SLC38A5: variants seen among roughly 807,000 people sequenced by gnomAD.
SLC38A5 encodes the protein sodium-coupled neutral amino acid transporter 5.
In SLC38A5, 9 loss-of-function variants were observed where a neutral mutation model predicts 34.6. The observed-to-expected ratio is 0.26, with a 90% CI of 0.16 to 0.45. The LOEUF is 0.45. Among genes scored for constraint, SLC38A5 ranks in the 20% least tolerant of loss-of-function variants. The probability of loss-of-function intolerance (pLI) is 1.00; values close to 1 mark genes in which losing one functional copy is unlikely to be tolerated. For missense variants in SLC38A5, 253 were observed against 394.7 expected, an observed-to-expected ratio of 0.64 and a Z score of 3.04; for synonymous variants, 157 against 155.6, an observed-to-expected ratio of 1.01 and a Z score of -0.07.
intron 14 of SLC38A5, among the ~76,000 whole-genome samples, chrX:48,460,428 C>T (rs2061426240): frequency 8.9e-6 from 1 of 111,943 alleles, no homozygotes; most frequent in Admixed American, 9.5e-5. Context: ...ACTGACTACC[C>T]TGTCCCCTGA....
chrX:48,466,167 G>A (rs1362389880), intron 7 of SLC38A5, 63 bp downstream of exon 7: 4 of 1,153,379 alleles, frequency 3.5e-6, no homozygotes, highest in African/African-American at 1.8e-5. Context: ...AGCCCAGCCT[G>A]GGGAAGCCCA....
At position 48,466,238 on chromosome X, in the gene SLC38A5, T is replaced by C. The variant is rs1556963233; in HGVS notation, c.404A>G (p.Asn135Ser). The change falls in exon 7 of 17, where the codon AAT becomes AGT. Residue 135 changes from asparagine (N) to serine (S), a missense_variant. Around this residue, in one of 3 missense-constraint regions of SLC38A5, gnomAD observed 37 missense variants for 85.3 expected, o/e 0.43. Coordinates refer to ENST00000620913, the MANE Select transcript of SLC38A5 (RefSeq NM_033518.4). Reference sequence around the variant, plus strand: ...CCTCCCAGAGTCCTCACCCCCAACATTGTGCAGACAGATGACTGTGGCCAC... The same window carrying C: ...CCTCCCAGAGTCCTCACCCCCAACACTGTGCAGACAGATGACTGTGGCCAC... Reference protein sequence around the residue: ...VVVATVICLHNVGAMSSYLFI... With the variant: ...VVVATVICLHSVGAMSSYLFI... The C allele has an allele frequency of 9.1e-7, 1 of 1,104,811 alleles. No homozygotes were observed. The highest frequency in any genetic ancestry group is 1.8e-5 in the African/African-American group (1 of 54,068). The allele number at this position is 1,104,811 out of a possible 1,213,427, so 91.0% of individuals were successfully genotyped here.
rs2061497428 is a variant in SLC38A5 at position 48,468,878 on chromosome X, G to C, written c.-2+457C>G. ...ACCTTCATCAAAGACCCCCTCCCGTGGCCTACCGAGTTTCCTGGGGTGGGG... is the reference window on the plus strand; with the variant it reads ...ACCTTCATCAAAGACCCCCTCCCGTCGCCTACCGAGTTTCCTGGGGTGGGG... On this transcript the variant is annotated intron_variant, in intron 2 of 16. Coordinates refer to ENST00000620913, the MANE Select transcript of SLC38A5 (RefSeq NM_033518.4). 4.0e-6 allele frequency: 3 copies of C among 750,714 alleles called. No homozygotes were observed. The Admixed American group carries it at 2.7e-4, about 67-fold the overall frequency. The allele number at this position is 750,714 out of a possible 1,213,427, so 61.9% of individuals were successfully genotyped here.
chrX:48,467,565 A>G (rs1240872100), intron 4 of SLC38A5, 145 bp downstream of exon 4: 6 of 537,229 alleles, frequency 1.1e-5, no homozygotes, highest in African/African-American at 9.4e-5. Context: ...TGGAGAGGGG[A>G]GCGACCAAGT....
chrX:48,465,626 C>T (rs150817353), intron 8 of SLC38A5, among the ~76,000 whole-genome samples: 1,228 of 111,638 alleles, frequency 0.011, 22 homozygotes, highest in African/African-American at 0.038. Context: ...TCCCAGTATA[C>T]GGGACACAGC....
At chrX:48,469,103 G>T in intron 2 of SLC38A5, 2 of 691,424 alleles carry the variant, frequency 2.9e-6, no homozygotes, top group Non-Finnish European at 3.4e-6. Flanking sequence ...GGACAGGGAG[G>T]GTCTCAAGGA....
Position 48,461,001 on chromosome X carries a change from A to G in SLC38A5, c.937T>C (p.Tyr313His), listed in dbSNP as rs373221806. ...CCCCACTCACTGTAGAAGGTGAGGT[A>G]TCCAAAGGTTGCTGTGAGCCCATAC... is the stretch of plus-strand genomic sequence containing the variant. ...CMYGLTATFG[Y>H]LTFYSSVKAE... The change falls in exon 13 of 17, where the codon TAC becomes CAC. Residue 313 changes from tyrosine (Y) to histidine (H), a missense_variant. Transcript: ENST00000620913. The G allele has an allele frequency of 8.6e-7, 1 of 1,162,290 alleles. No homozygotes were observed. Among genetic ancestry groups the G allele is most frequent in the Non-Finnish European group, 1.2e-6 (1 of 866,385 alleles).
chrX:48,464,630 T>C (rs1410339675), intron 8 of SLC38A5, among the ~76,000 whole-genome samples: 6 of 112,268 alleles, frequency 5.3e-5, no homozygotes, highest in Non-Finnish European at 7.5e-5. Context: ...ACCCCGTCTC[T>C]ACTAAAAATA....
At position 48,459,810 on chromosome X, in the gene SLC38A5, T is replaced by C. The variant is rs2061422525; in HGVS notation, c.1135A>G (p.Ile379Val). 1.7e-6 allele frequency: 2 copies of C among 1,211,654 alleles called. No homozygotes were observed. The highest frequency in any genetic ancestry group is 2.2e-6 in the Non-Finnish European group (2 of 895,424). Residue 379 changes from isoleucine (I) to valine (V), a missense_variant, in exon 15 of 17, where the codon ATA becomes GTA. By Grantham distance (29) the Ile-to-Val change is conservative. Coordinates refer to ENST00000620913, the MANE Select transcript of SLC38A5 (RefSeq NM_033518.4). Reference protein sequence around the residue: ...KAFSWPRHVAIALILLVLVNV... With the variant: ...KAFSWPRHVAVALILLVLVNV... ...ACCAAAACAAGCAGGATCAGAGCTATGGCCACATGTCGTGGCCAGCTGAAG... is the reference window on the plus strand; with the variant it reads ...ACCAAAACAAGCAGGATCAGAGCTACGGCCACATGTCGTGGCCAGCTGAAG...
In SLC38A5 at chrX:48,467,327, G is replaced by A. The variant is rs185696494; in HGVS notation, c.130-250C>T. On this transcript the variant is annotated intron_variant, in intron 4 of 16. Coordinates refer to ENST00000620913, the MANE Select transcript of SLC38A5 (RefSeq NM_033518.4). Reference sequence around the variant, plus strand: ...GGAGCAGCTGGAAGTGGAGAGGACCGGGGGAGGGTGAAGCAGCCACCAGAG... The same window carrying A: ...GGAGCAGCTGGAAGTGGAGAGGACCAGGGGAGGGTGAAGCAGCCACCAGAG... 32 of 423,112 alleles carry A rather than the reference G, an allele frequency of 7.6e-5. No individual in the cohort carries two copies. In the East Asian group the frequency reaches 7.8e-4, roughly 10 times the overall value. The allele number at this position is 423,112 out of a possible 1,213,427, so 34.9% of individuals were successfully genotyped here. A position where few individuals can be genotyped will look rare whatever the true frequency, so the allele number is the denominator to read the frequency against.
At chrX:48,469,104 G>A (rs1321018159) in intron 2 of SLC38A5, 4 of 664,461 alleles carry the variant, frequency 6.0e-6, no homozygotes, top group South Asian at 7.9e-5. Flanking sequence ...GACAGGGAGG[G>A]TCTCAAGGAG....
At position 48,466,306 on chromosome X, in the gene SLC38A5, C is replaced by T. The variant is rs1556963285; in HGVS notation, c.336G>A (p.Glu112=). 2.5e-6 allele frequency: 3 copies of T among 1,198,939 alleles called. No homozygotes were observed. The highest frequency in any genetic ancestry group is 2.2e-5 in the Admixed American group (1 of 44,588). The change falls in exon 7 of 17, where the codon GAG becomes GAA. Residue 112 remains glutamate, a synonymous_variant. Transcript: ENST00000620913. ...CAGIAGIRAY[E]QLGQRAFGPA... ...GCCCGAATGCCCTCTGTCCCAGCTGCTCATAGGCTCGGATGCCTAGCGGGG... is the reference window on the plus strand; with the variant it reads ...GCCCGAATGCCCTCTGTCCCAGCTGTTCATAGGCTCGGATGCCTAGCGGGG...
At chrX:48,460,581 C>A (rs2061427077) in intron 14 of SLC38A5, 68 bp downstream of exon 14, 10 of 1,053,130 alleles carry the variant, frequency 9.5e-6, no homozygotes, top group Admixed American at 4.8e-5. Flanking sequence ...CCAGCCTTGA[C>A]CCACACATCC....
Position 48,460,976 on chromosome X carries a change from C to T in SLC38A5, c.952+10G>A. On this transcript the variant is annotated intron_variant, in intron 13 of 16. Coordinates refer to ENST00000620913, the MANE Select transcript of SLC38A5 (RefSeq NM_033518.4). ...CCCCTCCCCCCAGCCCTAGCCCCAG[C>T]CCCACTCACTGTAGAAGGTGAGGTA... The T allele has an allele frequency of 8.4e-7, 1 of 1,184,611 alleles. No homozygotes were observed. Among genetic ancestry groups the T allele is most frequent in the Non-Finnish European group, 1.1e-6 (1 of 875,614 alleles).
At position 48,464,286 on chromosome X, in the gene SLC38A5, C is replaced by T. The variant is rs60322679; in HGVS notation, c.492-1306G>A. 7.3e-3 allele frequency among the ~76,000 whole-genome samples: 826 copies of T among 112,707 alleles called. 12 individuals carry two copies. Among genetic ancestry groups the T allele is most frequent in the Admixed American group, 0.05 (537 of 10,663 alleles). ...TAAGACAGAATCAGCTGAACAACTG[C>T]TCATGCATTCAAAACAACTTGATTG... On this transcript the variant is annotated intron_variant, in intron 8 of 16. Coordinates refer to ENST00000620913, the MANE Select transcript of SLC38A5 (RefSeq NM_033518.4).
In SLC38A5 at chrX:48,462,123, G is replaced by C; in HGVS notation, c.655C>G (p.Leu219Val). 1 of 1,205,140 alleles carries C rather than the reference G, an allele frequency of 8.3e-7. No individual in the cohort carries two copies. Residue 219 changes from leucine (L) to valine (V), a missense_variant, in exon 11 of 17, where the codon CTT becomes GTT. Physicochemically the swap from Leu to Val is conservative, Grantham distance 32. This residue lies in a region of SLC38A5 where 176 missense variants were observed against 273.0 expected (regional missense o/e 0.64). Coordinates refer to ENST00000620913, the MANE Select transcript of SLC38A5 (RefSeq NM_033518.4). Reference protein sequence around the residue: ...LVSVIYKKFQLGCAIGHNETA... With the variant: ...LVSVIYKKFQVGCAIGHNETA... ...TCATTGTGGCCTATAGCACAGCCAA[G>C]TTGGAACTTCTTGTAGATGACCTGA... is the stretch of plus-strand genomic sequence containing the variant.
At chrX:48,467,456 G>T in intron 4 of SLC38A5, 1 of 432,045 alleles carries the variant, frequency 2.3e-6, no homozygotes. Flanking sequence ...GCCGGGAGGG[G>T]AGCAGCCAGG....
Position 48,468,000 on chromosome X carries a change from G to T in SLC38A5, c.-1-75C>A, listed in dbSNP as rs376823205. 536 of 955,992 alleles carry T rather than the reference G, an allele frequency of 5.6e-4. 4 individuals are homozygous for T. In the South Asian group the frequency reaches 0.011, roughly 19 times the overall value. 78.8% of individuals were successfully genotyped at this position (955,992 alleles called of 1,213,427 possible). On this transcript the variant is annotated intron_variant, in intron 2 of 16. Coordinates refer to ENST00000620913, the MANE Select transcript of SLC38A5 (RefSeq NM_033518.4). Reference sequence around the variant, plus strand: ...TTCAAAGTGAGGGGAGCTGAAGAAGGGGGGAGGGGAGTCCCATAGAGACCG... The same window carrying T: ...TTCAAAGTGAGGGGAGCTGAAGAAGTGGGGAGGGGAGTCCCATAGAGACCG...
intron 14 of SLC38A5, among the ~76,000 whole-genome samples, chrX:48,460,191 G>A (rs782727500): frequency 5.4e-5 from 6 of 110,445 alleles, no homozygotes; most frequent in Non-Finnish European, 1.1e-4. Context: ...ACCATCCACC[G>A]ATCCTTCCAC....
Sources: gnomAD v4.1 joint callset for allele counts (sites outside exome capture counted in the v4.1 genomes callset) on GRCh38, gnomAD v4.1.1 for gene constraint, gnomAD v4.1.1 regional missense constraint, MANE v1.5 for transcripts, NCBI Gene and HGNC (gene_info 2026-07-23, HGNC 2026-07-21) for gene names.